MCCC1: variants seen among roughly 807,000 people sequenced by gnomAD.
MCCC1 encodes the protein methylcrotonyl-CoA carboxylase subunit 1.
A neutral mutation model predicts 83.8 loss-of-function variants in MCCC1; 64 were observed. That is an observed-to-expected ratio of 0.76 (90% CI 0.62 to 0.94). MCCC1 has a LOEUF of 0.94. Ranked by LOEUF, MCCC1 falls within the 40% of genes least tolerant of loss-of-function variation. The probability of loss-of-function intolerance (pLI) is 0.00; values close to 1 mark genes in which losing one functional copy is unlikely to be tolerated. For missense variants in MCCC1, 807 were observed against 904.7 expected, an observed-to-expected ratio of 0.89 and a Z score of 1.39; for synonymous variants, 322 against 315.4, an observed-to-expected ratio of 1.02 and a Z score of -0.22.
chr3:183,115,075 A>G (rs1719568814), intron 1 of MCCC1, among the ~76,000 whole-genome samples: 1 of 152,106 alleles, frequency 6.6e-6, no homozygotes, highest in Non-Finnish European at 1.5e-5. Flanking sequence ...CAACTGTGTT[A>G]CAAAAAAGAG....
At chr3:183,104,492 A>G (rs553758594), upstream of MCCC1, among the ~76,000 whole-genome samples, 6 of 152,346 alleles carry the variant, frequency 3.9e-5, no homozygotes, top group African/African-American at 1.4e-4. Flanking sequence ...AGCTTCAACT[A>G]CATGAAAAAG....
intron 9 of MCCC1, among the ~76,000 whole-genome samples, chr3:183,049,821 G>A (rs958824328): frequency 1.3e-5 from 2 of 152,176 alleles, no homozygotes; most frequent in African/African-American, 4.8e-5. Flanking sequence ...ACTCCTACAA[G>A]AAAGAGAGAA....
intron 11 of MCCC1, 29 bp from the exon 12 acceptor site, chr3:183,039,164 C>T (rs1293650734): frequency 3.2e-6 from 5 of 1,586,746 alleles, no homozygotes; most frequent in Admixed American, 1.7e-5. Context: ...GTAACCTCTT[C>T]AAGTCAAAAC....
rs764886151 is a variant in MCCC1 at position 183,057,294 on chromosome 3, C to A, written c.873+17G>T. The A allele has an allele frequency of 2.6e-6, 4 of 1,562,268 alleles. No homozygotes were observed. In the Admixed American group the frequency reaches 7.1e-5, roughly 28 times the overall value. ...ACATTACGGAGAAGCTTACAAATTT[C>A]TTTCCAAGGTCCTTACCGCTGGGGC... On this transcript the variant is annotated intron_variant, in intron 8 of 18. Transcript: ENST00000265594.
At chr3:183,102,899 G>A (rs1719340523), upstream of MCCC1, among the ~76,000 whole-genome samples, 1 of 147,270 alleles carries the variant, frequency 6.8e-6, no homozygotes, top group African/African-American at 2.5e-5. Flanking sequence ...TGATTCTCAT[G>A]GCTCAGCCTC....
intron 14 of MCCC1, among the ~76,000 whole-genome samples, chr3:183,026,267 C>T (rs1457305314): frequency 6.6e-6 from 1 of 152,138 alleles, no homozygotes; most frequent in Non-Finnish European, 1.5e-5. Context: ...GTCTTGAACT[C>T]CTGGACTCAA....
chr3:183,101,545 G>A (rs532071730), upstream of MCCC1, among the ~76,000 whole-genome samples: 1 of 151,960 alleles, frequency 6.6e-6, no homozygotes, highest in Non-Finnish European at 1.5e-5. Context: ...AATCTGATGG[G>A]GACGTGGAGA....
In MCCC1 at chr3:183,015,576, C is replaced by T. The variant is rs767502025; in HGVS notation, c.2050-10G>A. The T allele has an allele frequency of 1.2e-6, 2 of 1,614,062 alleles. No individual in the cohort carries two copies. Among genetic ancestry groups the T allele is most frequent in the Non-Finnish European group, 1.7e-6 (2 of 1,179,988 alleles). ...GAGACTTTATGGTATGCTGCAGAGA[C>T]ACATGACAGGACAAATGATAGCTGC... is the stretch of plus-strand genomic sequence containing the variant. On this transcript the variant is annotated splice_polypyrimidine_tract_variant and intron_variant, in intron 18 of 18. Coordinates refer to ENST00000265594, the MANE Select transcript of MCCC1 (RefSeq NM_020166.5).
intron 9 of MCCC1, among the ~76,000 whole-genome samples, chr3:183,051,159 G>A (rs915670314): frequency 4.6e-5 from 7 of 152,092 alleles, no homozygotes; most frequent in Non-Finnish European, 8.8e-5. Flanking sequence ...CCAGTAGCAC[G>A]CTCCTTAGTA....
chr3:183,057,507 C>A (rs1715515058), intron 7 of MCCC1, 85 bp from the exon 8 acceptor site: 2 of 1,063,522 alleles, frequency 1.9e-6, no homozygotes, highest in Admixed American at 2.0e-5. Flanking sequence ...TAGGCACAAT[C>A]ACCAGGATTT....
intron 3 of MCCC1, chr3:183,091,127 A>G (rs563104469): frequency 2.3e-6 from 1 of 437,652 alleles, no homozygotes; most frequent in South Asian, 1.6e-5. Flanking sequence ...CAGTGGCTAG[A>G]GAGCCACAAG....
chr3:183,044,583 A>G lies in MCCC1; in HGVS notation c.1083+830T>C, dbSNP rs547920215. ...TCCCAACTCTGCCTTAGCTCATTTC[A>G]TCTTGCCTAGTATCTGCCCTGATCT... On this transcript the variant is annotated intron_variant, in intron 10 of 18. Transcript: ENST00000265594. Among the ~76,000 whole-genome samples the G allele has an allele frequency of 5.8e-4, 88 of 152,130 alleles. 1 individual carries two copies. The highest frequency in any genetic ancestry group is 2.1e-3 in the African/African-American group (87 of 41,510).
At chr3:183,074,102 T>C (rs1268329355) in intron 4 of MCCC1, among the ~76,000 whole-genome samples, 1 of 152,196 alleles carries the variant, frequency 6.6e-6, no homozygotes, top group African/African-American at 2.4e-5. Flanking sequence ...TTCTGGAATT[T>C]TCCATTTAAT....
chr3:183,087,748 G>A (rs1453871392), intron 3 of MCCC1, among the ~76,000 whole-genome samples: 6 of 147,272 alleles, frequency 4.1e-5, no homozygotes, highest in South Asian at 2.2e-4. Context: ...GTCGGCACCC[G>A]TAGTCCCAGC....
chr3:183,030,893 C>T (rs1713013857), intron 14 of MCCC1, among the ~76,000 whole-genome samples: 1 of 152,200 alleles, frequency 6.6e-6, no homozygotes, highest in Non-Finnish European at 1.5e-5. Flanking sequence ...CAGAAAGTGC[C>T]TCCAGTTACA....
rs919925611 is a variant in MCCC1, at chr3:183,071,016, C to T, written c.744G>A (p.Lys248=). ...SFNDDAMLIE[K]FVDTPRHVEV... ...CAACCCACCTCGGTGTGTCTACAAA[C>T]TTCTCGATCAGCATAGCATCATCAT... Residue 248 remains lysine, a synonymous_variant, in exon 7 of 19, where the codon AAG becomes AAA. Transcript: ENST00000265594. 1 of 1,614,094 alleles carries T rather than the reference C, an allele frequency of 6.2e-7. No homozygotes were observed. The highest frequency in any genetic ancestry group is 1.3e-5 in the African/African-American group (1 of 75,050).
Position 183,033,980 on chromosome 3 carries a change from A to G in MCCC1, c.1681+11T>C. Reference sequence around the variant, plus strand: ...TGACTCACATTTCTCTTTTAATGAAACATTACTTACTGTTTTTACCATCTT... The same window carrying G: ...TGACTCACATTTCTCTTTTAATGAAGCATTACTTACTGTTTTTACCATCTT... On this transcript the variant is annotated intron_variant, in intron 14 of 18. Coordinates refer to ENST00000265594, the MANE Select transcript of MCCC1 (RefSeq NM_020166.5). 6.4e-7 allele frequency: 1 copy of G among 1,569,682 alleles called. No homozygotes were observed. The highest frequency in any genetic ancestry group is 1.7e-5 in the Admixed American group (1 of 59,942).
chr3:183,060,287 G>A (rs908997837), intron 7 of MCCC1, among the ~76,000 whole-genome samples: 8 of 152,088 alleles, frequency 5.3e-5, no homozygotes, highest in Non-Finnish European at 7.3e-5. Flanking sequence ...ATAGTTGTAC[G>A]AAATCTTTGT....
intron 3 of MCCC1, 134 bp downstream of exon 3, chr3:183,092,275 G>T: frequency 9.8e-7 from 1 of 1,020,228 alleles, no homozygotes; most frequent in Non-Finnish European, 1.5e-6. Flanking sequence ...CCAAGAATTA[G>T]CAGTGAGCAG....
Sources: gnomAD v4.1 joint callset for allele counts (sites outside exome capture counted in the v4.1 genomes callset) on GRCh38, gnomAD v4.1.1 for gene constraint, MANE v1.5 for transcripts, NCBI Gene and HGNC (gene_info 2026-07-23, HGNC 2026-07-21) for gene names.